The following MRTFB variants were observed in gnomAD, a reference collection of about 807,000 sequenced individuals.
The protein encoded by MRTFB is myocardin related transcription factor B.
Under a neutral mutation model 104.2 loss-of-function variants are expected in MRTFB, and 29 were observed. The observed-to-expected ratio is 0.28, with a 90% CI of 0.21 to 0.38. The LOEUF is 0.38. MRTFB is among the 10% of genes least tolerant of loss of function. The pLI is 1.00. For synonymous variants in MRTFB, 535 were observed against 519.5 expected (o/e 1.03, Z -0.41); for missense variants, 1,270 against 1,341.6 (o/e 0.95, Z 0.83).
chr16:14,174,755 T>C (rs1335289477), intron 3 of MRTFB, among the ~76,000 whole-genome samples: 1 of 152,202 alleles, frequency 6.6e-6, no homozygotes, highest in Non-Finnish European at 1.5e-5. Flanking sequence ...ATTTTCTGTT[T>C]TCGGGATCAC....
chr16:14,154,392 AAAG>A (rs1386727529), intron 3 of MRTFB, among the ~76,000 whole-genome samples: 2 of 152,242 alleles, frequency 1.3e-5, no homozygotes, highest in Non-Finnish European at 2.9e-5. Context: ...AGAAATTAAA[AAAG>A]AAATTTTAAA....
At chr16:14,079,115 A>T (rs559067986) in intron 1 of MRTFB, among the ~76,000 whole-genome samples, 175 bp from the exon 2 acceptor site, 9 of 152,180 alleles carry the variant, frequency 5.9e-5, no homozygotes, top group Non-Finnish European at 1.2e-4. Flanking sequence ...ACAATTTAGG[A>T]AAAGTTTTAG....
intron 6 of MRTFB, among the ~76,000 whole-genome samples, 193 bp downstream of exon 6, chr16:14,213,813 C>G (rs1461337133): frequency 6.6e-6 from 1 of 152,170 alleles, no homozygotes; most frequent in Non-Finnish European, 1.5e-5. Flanking sequence ...CTTCACATAA[C>G]CAATTAATGG....
intron 9 of MRTFB, among the ~76,000 whole-genome samples, chr16:14,236,915 G>A (rs1278452863): frequency 1.3e-5 from 2 of 152,356 alleles, no homozygotes; most frequent in East Asian, 3.9e-4. Flanking sequence ...GATTCTGGCT[G>A]CATTTGAAGG....
rs572218394 is a variant in MRTFB at position 14,106,363 on chromosome 16, G to A, written c.-64+27009G>A. On this transcript the variant is annotated intron_variant, in intron 2 of 16. Coordinates refer to ENST00000571589, the MANE Select transcript of MRTFB (RefSeq NM_001308142.2). ...TGTTCCTACAAGGGAAACTGCATAG[G>A]TAAGGGCTGAGAGGTGAGGAGTTAC... Among the ~76,000 whole-genome samples the A allele has an allele frequency of 9.9e-5, 15 of 152,284 alleles. No homozygotes were observed. The South Asian group carries it at 2.9e-3, about 29-fold the overall frequency.
the MRTFB span, among the ~76,000 whole-genome samples, chr16:14,003,104 T>C: frequency 6.6e-6 from 1 of 152,124 alleles, no homozygotes; most frequent in East Asian, 1.9e-4. Flanking sequence ...CCTTGAGCTA[T>C]TGAGGACGTA....
In MRTFB at chr16:14,261,721, A is replaced by G. The variant is rs1250333675; in HGVS notation, c.*277A>G. The G allele has an allele frequency of 1.4e-5, 5 of 363,020 alleles. No individual in the cohort carries two copies. The highest frequency in any genetic ancestry group is 2.1e-5 in the African/African-American group (1 of 48,164). The allele number at this position is 363,020 out of a possible 1,614,324, so 22.5% of individuals were successfully genotyped here. Reference sequence around the variant, plus strand: ...TCTCCAGACTTCAGTAAAGAATGAAAAGTACCTTTAGATAAAAACAAAGAA... The same window carrying G: ...TCTCCAGACTTCAGTAAAGAATGAAGAGTACCTTTAGATAAAAACAAAGAA... On this transcript the variant is annotated 3_prime_UTR_variant, in exon 17 of 17. Coordinates refer to ENST00000571589, the MANE Select transcript of MRTFB (RefSeq NM_001308142.2).
chr16:14,000,251 C>T, the MRTFB span, among the ~76,000 whole-genome samples: 2 of 152,384 alleles, frequency 1.3e-5, no homozygotes, highest in South Asian at 2.1e-4. Flanking sequence ...GGGTTCCTTT[C>T]GGGTCACCCC....
chr16:14,129,807 C>T (rs2037346951), intron 2 of MRTFB, among the ~76,000 whole-genome samples: 1 of 152,020 alleles, frequency 6.6e-6, no homozygotes, highest in African/African-American at 2.4e-5. Flanking sequence ...ATTAGTCATG[C>T]ATATGTCTTC....
chr16:14,017,056 C>CTT, the MRTFB span, among the ~76,000 whole-genome samples: 6,489 of 125,340 alleles, frequency 0.052, 562 homozygotes, highest in African/African-American at 0.17. Flanking sequence ...CAGTCTTCTT[C>CTT]TTTTTTTTTT....
chr16:14,064,540 G>T, the MRTFB span, among the ~76,000 whole-genome samples: 1 of 152,046 alleles, frequency 6.6e-6, no homozygotes, highest in Non-Finnish European at 1.5e-5. Context: ...CTTTGCCAGG[G>T]CCTATGTCTA....
At chr16:14,201,069 G>T in intron 3 of MRTFB, 2 of 1,455,038 alleles carry the variant, frequency 1.4e-6, no homozygotes, top group Non-Finnish European at 1.8e-6. Context: ...GTTGCAACGA[G>T]GAGTGTTGGC....
chr16:14,022,976 G>A, the MRTFB span, among the ~76,000 whole-genome samples: 24 of 152,024 alleles, frequency 1.6e-4, no homozygotes, highest in Non-Finnish European at 2.8e-4. Flanking sequence ...GATTATAGGC[G>A]TGAGCCACTG....
Position 14,190,058 on chromosome 16 carries a change from T to C in MRTFB, c.155-20185T>C, listed in dbSNP as rs1472499461. On this transcript the variant is annotated intron_variant, in intron 3 of 16. Transcript: ENST00000571589. ...CACCTGTGAAGAGTTGTCATCACAG[T>C]GCAGAGAATTGTGTGGATAATAAAG... 4.6e-5 allele frequency among the ~76,000 whole-genome samples: 7 copies of C among 152,206 alleles called. No individual in the cohort carries two copies. The East Asian group carries it at 1.3e-3, about 29-fold the overall frequency.
chr16:14,248,786 A>C, intron 12 of MRTFB, 140 bp from the exon 13 acceptor site: 2 of 771,058 alleles, frequency 2.6e-6, no homozygotes, highest in Non-Finnish European at 4.0e-6. Context: ...ATTTCTGTGC[A>C]GATGAAGTGT....
chr16:14,047,481 A>C, the MRTFB span, among the ~76,000 whole-genome samples: 1 of 152,184 alleles, frequency 6.6e-6, no homozygotes, highest in Non-Finnish European at 1.5e-5. Flanking sequence ...GGAGAAGGGC[A>C]CTATATTAGT....
At chr16:14,155,206 CT>C (rs1004269607) in intron 3 of MRTFB, among the ~76,000 whole-genome samples, 4 of 148,796 alleles carry the variant, frequency 2.7e-5, no homozygotes, top group African/African-American at 1.0e-4. Context: ...AGATATACCT[CT>C]TTTTTTCAAG....
intron 2 of MRTFB, among the ~76,000 whole-genome samples, chr16:14,126,049 A>C (rs192209679): frequency 4.6e-5 from 7 of 152,316 alleles, no homozygotes; most frequent in Admixed American, 1.3e-4. Flanking sequence ...AAGGAATAAA[A>C]AGTACATGGA....
chr16:14,011,013 C>T, the MRTFB span, among the ~76,000 whole-genome samples: 1 of 152,206 alleles, frequency 6.6e-6, no homozygotes, highest in African/African-American at 2.4e-5. Context: ...AGGTGGGCCC[C>T]AGGCATAAGG....
Sources: gnomAD v4.1 joint callset for allele counts (sites outside exome capture counted in the v4.1 genomes callset) on GRCh38, gnomAD v4.1.1 for gene constraint, MANE v1.5 for transcripts, NCBI Gene and HGNC (gene_info 2026-07-23, HGNC 2026-07-21) for gene names.